ADGRB3: variants seen among roughly 807,000 people sequenced by gnomAD.
ADGRB3 encodes adhesion G protein-coupled receptor B3.
A neutral mutation model predicts 193.4 loss-of-function variants in ADGRB3; 37 were observed. That is an observed-to-expected ratio of 0.19 (90% CI 0.15 to 0.25). ADGRB3 has a LOEUF of 0.25. Ranked by LOEUF, ADGRB3 falls within the 10% of genes least tolerant of loss-of-function variation. The pLI, the probability that ADGRB3 is intolerant of heterozygous loss-of-function variation, is 1.00. For synonymous variants in ADGRB3, 690 were observed against 644.2 expected (o/e 1.07, Z -1.08); for missense variants, 1,637 against 1,852.9 (o/e 0.88, Z 2.14).
chr6:69,315,052 A>G (rs888309033), intron 20 of ADGRB3, among the ~76,000 whole-genome samples: 1 of 151,554 alleles, frequency 6.6e-6, no homozygotes, highest in Non-Finnish European at 1.5e-5. Context: ...AAGGCTCATG[A>G]TTTAATATAA....
At chr6:68,833,979 C>T (rs141791461) in intron 3 of ADGRB3, among the ~76,000 whole-genome samples, 118 of 150,128 alleles carry the variant, frequency 7.9e-4, no homozygotes, top group African/African-American at 2.4e-3. Context: ...CCTTTGCTCT[C>T]TGCAGTGTCC....
chr6:68,639,230 A>G lies in ADGRB3; in HGVS notation c.555A>G (p.Arg185=). 1 of 1,614,078 alleles carries G rather than the reference A, an allele frequency of 6.2e-7. No individual in the cohort carries two copies. The highest frequency in any genetic ancestry group is 1.1e-5 in the South Asian group (1 of 91,068). The change falls in exon 3 of 32, where the codon AGA becomes AGG. Residue 185 remains arginine, a synonymous_variant. Transcript: ENST00000370598. ...LESCLKSENG[R]TESCGIMYTK... Reference sequence around the variant, plus strand: ...GCTGCTTAAAATCAGAAAATGGGAGAACAGAATCATGTGGGATCATGTATA... The same window carrying G: ...GCTGCTTAAAATCAGAAAATGGGAGGACAGAATCATGTGGGATCATGTATA...
At chr6:69,264,058 A>T (rs902194830) in intron 20 of ADGRB3, among the ~76,000 whole-genome samples, 14 of 152,000 alleles carry the variant, frequency 9.2e-5, no homozygotes, top group African/African-American at 3.4e-4. Context: ...TGACTCATCC[A>T]TAGATGGATA....
At chr6:68,806,194 A>C (rs1489286742) in intron 3 of ADGRB3, among the ~76,000 whole-genome samples, 1 of 152,240 alleles carries the variant, frequency 6.6e-6, no homozygotes, top group Non-Finnish European at 1.5e-5. Context: ...AAAGCAAACA[A>C]GATAAAAACA....
chr6:69,369,393 C>T (rs551000384), intron 29 of ADGRB3, among the ~76,000 whole-genome samples: 2 of 152,150 alleles, frequency 1.3e-5, no homozygotes, highest in South Asian at 4.1e-4. Context: ...TCCCAATGCC[C>T]CATGCCCCTT....
intron 17 of ADGRB3, among the ~76,000 whole-genome samples, chr6:69,166,129 G>A (rs1775127640): frequency 6.6e-6 from 1 of 152,070 alleles, no homozygotes; most frequent in Non-Finnish European, 1.5e-5. Context: ...CATTAACAAT[G>A]AGGGAAGCAG....
At chr6:69,370,410 CA>C (rs1212307236) in intron 29 of ADGRB3, among the ~76,000 whole-genome samples, 1 of 152,096 alleles carries the variant, frequency 6.6e-6, no homozygotes, top group Non-Finnish European at 1.5e-5. Context: ...GCATCCACTC[CA>C]AATCCCACCA....
intron 30 of ADGRB3, 95 bp downstream of exon 30, chr6:69,372,536 G>A: frequency 1.9e-6 from 1 of 533,620 alleles, no homozygotes; most frequent in African/African-American, 2.0e-5. Flanking sequence ...AGCCATGTAA[G>A]GGTATTATGT....
chr6:68,772,878 CAAACAA>C (rs756024877), intron 3 of ADGRB3, among the ~76,000 whole-genome samples: 499 of 15,514 alleles, frequency 0.032, 8 homozygotes, highest in Middle Eastern at 0.083. Flanking sequence ...AACAAACAAA[CAAACAA>C]AAAAAAAAAA....
At chr6:69,021,080 T>C (rs554432461) in intron 13 of ADGRB3, among the ~76,000 whole-genome samples, 4 of 151,984 alleles carry the variant, frequency 2.6e-5, no homozygotes, top group Admixed American at 2.6e-4. Context: ...ATATTAATTA[T>C]CCAACAGTCT....
chr6:69,283,736 A>G (rs1767489260), intron 20 of ADGRB3, among the ~76,000 whole-genome samples: 1 of 152,230 alleles, frequency 6.6e-6, no homozygotes, highest in East Asian at 1.9e-4. Context: ...CAGTAAACCA[A>G]TGTGTAGTCC....
chr6:69,233,249 G>T, intron 17 of ADGRB3, 41 bp from the exon 18 acceptor site: 1 of 1,606,318 alleles, frequency 6.2e-7, no homozygotes, highest in Non-Finnish European at 8.5e-7. Flanking sequence ...GCTATCAGGC[G>T]TATTTATCCC....
intron 1 of ADGRB3, 120 bp from the exon 2 acceptor site, chr6:68,637,271 T>C (rs1445668669): frequency 6.6e-6 from 1 of 152,480 alleles, no homozygotes; most frequent in Non-Finnish European, 1.5e-5. Context: ...TGTGCATGCG[T>C]TGGTGTGTGT....
intron 3 of ADGRB3, among the ~76,000 whole-genome samples, chr6:68,742,703 G>A (rs1257127061): frequency 6.6e-6 from 1 of 152,030 alleles, no homozygotes; most frequent in African/African-American, 2.4e-5. Context: ...ATCACTAAAT[G>A]TTAAATCATC....
At chr6:69,041,019 C>T (rs1263718580) in intron 13 of ADGRB3, among the ~76,000 whole-genome samples, 1 of 152,130 alleles carries the variant, frequency 6.6e-6, no homozygotes, top group African/African-American at 2.4e-5. Context: ...GAGATCTTAA[C>T]CTATGTAATG....
intron 3 of ADGRB3, among the ~76,000 whole-genome samples, chr6:68,841,069 T>C (rs1002097864): frequency 3.3e-5 from 5 of 152,252 alleles, no homozygotes; most frequent in African/African-American, 1.2e-4. Flanking sequence ...CAAATATATA[T>C]GTACCGAACA....
At chr6:68,891,561 ATGTC>A (rs1766077715) in intron 3 of ADGRB3, among the ~76,000 whole-genome samples, 1 of 152,192 alleles carries the variant, frequency 6.6e-6, no homozygotes. Flanking sequence ...AACTTAATGA[ATGTC>A]TGAGTCAGAA....
chr6:68,900,660 C>T (rs1766369304), intron 3 of ADGRB3, among the ~76,000 whole-genome samples: 1 of 152,110 alleles, frequency 6.6e-6, no homozygotes, highest in African/African-American at 2.4e-5. Context: ...GGAGGTTACA[C>T]ATTGATCAGC....
intron 20 of ADGRB3, among the ~76,000 whole-genome samples, chr6:69,309,582 C>A (rs1768138351): frequency 6.6e-6 from 1 of 151,556 alleles, no homozygotes; most frequent in South Asian, 2.1e-4. Flanking sequence ...AGGGCTTAGA[C>A]AAAGACAGAT....
Sources: gnomAD v4.1 joint callset for allele counts (sites outside exome capture counted in the v4.1 genomes callset) on GRCh38, gnomAD v4.1.1 for gene constraint, MANE v1.5 for transcripts, NCBI Gene and HGNC (gene_info 2026-07-23, HGNC 2026-07-21) for gene names.